The following TENM1 variants were observed in gnomAD, a reference collection of about 807,000 sequenced individuals.
TENM1 encodes the protein teneurin-1.
TENM1 carries 35 observed loss-of-function variants against 174.8 expected under a neutral mutation model. The observed-to-expected ratio is 0.20, with a 90% CI of 0.15 to 0.27. The LOEUF is 0.27. Among genes scored for constraint, TENM1 ranks in the 10% least tolerant of loss-of-function variants. The pLI is 1.00. For synonymous variants in TENM1, 781 were observed against 798.7 expected, an observed-to-expected ratio of 0.98 and a Z score of 0.37; for missense variants, 1,633 against 2,130.1, an observed-to-expected ratio of 0.77 and a Z score of 4.59.
At chrX:125,058,976 T>C in the TENM1 span, among the ~76,000 whole-genome samples, 1 of 99,375 alleles carries the variant, frequency 1.0e-5, no homozygotes, top group African/African-American at 4.0e-5. Context: ...TTTAGAACAT[T>C]TTCATCATCA....
intron 11 of TENM1, among the ~76,000 whole-genome samples, chrX:124,609,831 G>A (rs947280236): frequency 4.5e-5 from 5 of 111,557 alleles, no homozygotes; most frequent in Non-Finnish European, 9.4e-5. Flanking sequence ...AAGCCAAGGA[G>A]GCATGAATCT....
the TENM1 span, among the ~76,000 whole-genome samples, chrX:125,101,417 A>G: frequency 8.9e-6 from 1 of 112,106 alleles, no homozygotes. Context: ...TCATTTGGAT[A>G]TGATTAATAA....
intron 1 of TENM1, among the ~76,000 whole-genome samples, chrX:124,927,809 C>T (rs41451646): frequency 0.1 from 11,450 of 110,996 alleles, 1,375 homozygotes; most frequent in African/African-American, 0.35. Flanking sequence ...GGGAAATAAC[C>T]GAGGAAAGCA....
intron 25 of TENM1, among the ~76,000 whole-genome samples, chrX:124,415,890 C>T (rs1199497035): frequency 9.0e-6 from 1 of 111,501 alleles, no homozygotes; most frequent in Admixed American, 9.5e-5. Flanking sequence ...CTTCTCTCTT[C>T]AGCATCATCA....
chrX:124,982,270 G>GAAAAAAAAAAAAAAAAAAAAAAGAA, the TENM1 span, among the ~76,000 whole-genome samples: 4 of 10,543 alleles, frequency 3.8e-4, no homozygotes, highest in Non-Finnish European at 6.2e-4. Flanking sequence ...AAGAAAATGT[G>GAAAAAAAAAAAAAAAAAAAAAAGAA]AAAAAAAAAA....
intron 5 of TENM1, among the ~76,000 whole-genome samples, chrX:124,688,206 T>C (rs902486523): frequency 9.3e-6 from 1 of 107,087 alleles, no homozygotes. Context: ...TCTCCTCTCC[T>C]CTCCTCTCCC....
chrX:124,680,751 A>AT (rs927531463), intron 5 of TENM1, among the ~76,000 whole-genome samples: 1 of 110,466 alleles, frequency 9.1e-6, no homozygotes, highest in African/African-American at 3.3e-5. Context: ...TTAAAATTTT[A>AT]TTTTTTTTCT....
At chrX:124,580,714 C>A (rs970144918) in intron 11 of TENM1, among the ~76,000 whole-genome samples, 19 of 110,999 alleles carry the variant, frequency 1.7e-4, no homozygotes, top group Non-Finnish European at 3.2e-4. Context: ...TTTTTTATTT[C>A]ATTAAAAAGT....
chrX:124,627,186 C>A (rs1237693909), intron 11 of TENM1, among the ~76,000 whole-genome samples: 1 of 111,112 alleles, frequency 9.0e-6, no homozygotes, highest in East Asian at 2.8e-4. Context: ...TTCAACCCTG[C>A]CCTCATGTGC....
intron 18 of TENM1, among the ~76,000 whole-genome samples, chrX:124,515,063 G>A (rs2047670915): frequency 9.0e-6 from 1 of 111,704 alleles, no homozygotes; most frequent in Admixed American, 9.5e-5. Context: ...ATTAATAAAT[G>A]TGATTCATCA....
At chrX:124,555,387 C>G (rs2048671930) in intron 14 of TENM1, among the ~76,000 whole-genome samples, 1 of 111,821 alleles carries the variant, frequency 8.9e-6, no homozygotes, top group African/African-American at 3.3e-5. Flanking sequence ...ATTTTTCTAG[C>G]ACTCTTCACA....
chrX:124,580,880 CT>C (rs2148212901), intron 11 of TENM1, among the ~76,000 whole-genome samples: 1 of 109,050 alleles, frequency 9.2e-6, no homozygotes, highest in South Asian at 4.0e-4. Context: ...CCCTCTCTTC[CT>C]CCCCCTATAG....
chrX:124,709,742 T>C (rs2052999630), intron 4 of TENM1, among the ~76,000 whole-genome samples: 1 of 111,082 alleles, frequency 9.0e-6, no homozygotes. Context: ...TCTAATCATC[T>C]GGGTTAACTG....
At chrX:125,000,320 G>A in the TENM1 span, among the ~76,000 whole-genome samples, 1 of 111,491 alleles carries the variant, frequency 9.0e-6, no homozygotes. Context: ...CTGACGTAGA[G>A]CAAGTAAAAT....
intron 1 of TENM1, 86 bp from the exon 5 acceptor site, chrX:124,896,327 TC>T: frequency 1.0e-6 from 1 of 991,628 alleles, no homozygotes; most frequent in Non-Finnish European, 1.4e-6. Flanking sequence ...CATTCCCCTC[TC>T]CCCCATTGGT....
the TENM1 span, among the ~76,000 whole-genome samples, chrX:125,050,886 T>C: frequency 2.7e-5 from 3 of 111,864 alleles, no homozygotes; most frequent in Non-Finnish European, 5.6e-5. Flanking sequence ...GGTATTCAAT[T>C]AGGAAAAGAG....
In TENM1 at chrX:124,422,258, T is replaced by C. The variant is rs774447598; in HGVS notation, c.4471+14A>G. ...CAGAGAGGGGAAGCTGGTGAATTGC[T>C]AAAAAGGTCATACCTGAAAAACAGT... On this transcript the variant is annotated intron_variant, in intron 24 of 31. Coordinates refer to ENST00000422452, the Ensembl canonical transcript of TENM1. The C allele has an allele frequency of 3.3e-6, 4 of 1,194,901 alleles. No individual in the cohort carries two copies. The highest frequency in any genetic ancestry group is 4.5e-6 in the Non-Finnish European group (4 of 885,869).
In TENM1 at chrX:124,523,579, C is replaced by G. The variant is rs752145603; in HGVS notation, c.2818G>C (p.Asp940His). 13 of 1,209,497 alleles carry G rather than the reference C, an allele frequency of 1.1e-5. No homozygotes were observed. In the East Asian group the frequency reaches 3.0e-4, roughly 28 times the overall value. The change falls in exon 17 of 32, where the codon GAC becomes CAC. Residue 940 changes from aspartate to histidine, a missense_variant. Physicochemically the swap from Asp to His is moderately conservative, Grantham distance 81. Transcript: ENST00000422452. Reference sequence around the variant, plus strand: ...TTCTCAGGCAGGAAAGGGGATCGGTCGAAGATTAAGATGACAGAGATGCCA... The same window carrying G: ...TTCTCAGGCAGGAAAGGGGATCGGTGGAAGATTAAGATGACAGAGATGCCA...
intron 6 of TENM1, among the ~76,000 whole-genome samples, chrX:124,660,446 A>C (rs1215103695): frequency 9.0e-6 from 1 of 111,663 alleles, no homozygotes; most frequent in Non-Finnish European, 1.9e-5. Context: ...AACAGCCCAC[A>C]GAATGGGAGA....
Sources: allele counts gnomAD v4.1 joint callset (sites outside exome capture counted in the v4.1 genomes callset), GRCh38; gene constraint gnomAD v4.1.1; transcripts MANE v1.5; gene names NCBI Gene and HGNC (gene_info 2026-07-23, HGNC 2026-07-21).